The following CSMD1 variants were observed in gnomAD, a reference collection of about 807,000 sequenced individuals.
CSMD1 encodes CUB and sushi domain-containing protein 1.
In CSMD1, 213 loss-of-function variants were observed where a neutral mutation model predicts 417.5. The observed-to-expected ratio is 0.51, with a 90% CI of 0.46 to 0.57. The LOEUF (loss-of-function observed/expected upper bound fraction) is 0.57. Among genes scored for constraint, CSMD1 ranks in the 20% least tolerant of loss-of-function variants. CSMD1 has a pLI of 0.00. For missense variants in CSMD1, 6,923 were observed against 4,529.7 expected (o/e 1.53, Z -15.17); for synonymous variants, 2,862 against 1,736.8 (o/e 1.65, Z -16.11).
chr8:3,537,637 G>A (rs1158380376), intron 10 of CSMD1, among the ~76,000 whole-genome samples: 2 of 152,112 alleles, frequency 1.3e-5, no homozygotes, highest in African/African-American at 2.4e-5. Flanking sequence ...TGAAATTTAT[G>A]TAGCATCATT....
intron 5 of CSMD1, among the ~76,000 whole-genome samples, chr8:3,973,123 A>C (rs931569131): frequency 5.3e-5 from 8 of 152,226 alleles, no homozygotes; most frequent in Non-Finnish European, 1.0e-4. Context: ...GACAGTTGGA[A>C]AGTTATGAAA....
chr8:4,828,922 T>C (rs977023624), intron 1 of CSMD1, among the ~76,000 whole-genome samples: 5 of 152,168 alleles, frequency 3.3e-5, no homozygotes, highest in African/African-American at 4.8e-5. Context: ...TTCATAAAGG[T>C]TAATTAACCA....
intron 9 of CSMD1, among the ~76,000 whole-genome samples, chr8:3,581,602 C>A (rs1471644070): frequency 6.6e-6 from 1 of 152,128 alleles, no homozygotes; most frequent in South Asian, 2.1e-4. Context: ...AAAATAGGAA[C>A]CTTGAGAATC....
intron 2 of CSMD1, among the ~76,000 whole-genome samples, chr8:4,604,696 G>C (rs900873037): frequency 6.6e-6 from 1 of 151,942 alleles, no homozygotes; most frequent in Non-Finnish European, 1.5e-5. Context: ...TCTCCTACTT[G>C]GGAATGATGA....
chr8:4,898,112 GTAAA>G (rs1388812261), intron 1 of CSMD1, among the ~76,000 whole-genome samples: 2 of 152,120 alleles, frequency 1.3e-5, no homozygotes, highest in South Asian at 2.1e-4. Flanking sequence ...AAACGAATAA[GTAAA>G]TAAATATTGC....
At chr8:3,536,878 G>C (rs1056771886) in intron 10 of CSMD1, among the ~76,000 whole-genome samples, 3 of 152,226 alleles carry the variant, frequency 2.0e-5, no homozygotes, top group Non-Finnish European at 4.4e-5. Context: ...ATCCCAGGTA[G>C]AGAAAATTAA....
intron 2 of CSMD1, among the ~76,000 whole-genome samples, chr8:4,631,111 C>G (rs375730197): frequency 3.3e-5 from 5 of 152,086 alleles, no homozygotes; most frequent in Non-Finnish European, 7.4e-5. Flanking sequence ...ACCTGTAATC[C>G]CAGCACTTTG....
chr8:4,847,544 C>G (rs574866840), intron 1 of CSMD1, among the ~76,000 whole-genome samples: 3 of 152,094 alleles, frequency 2.0e-5, no homozygotes, highest in Admixed American at 2.0e-4. Flanking sequence ...TGGGCCGATA[C>G]TGGAATATTT....
intron 7 of CSMD1, among the ~76,000 whole-genome samples, chr8:3,637,909 C>T (rs149139878): frequency 1.1e-3 from 165 of 152,336 alleles, no homozygotes; most frequent in African/African-American, 3.7e-3. Flanking sequence ...CCTGCCCACA[C>T]TCTCTTGATT....
chr8:4,803,768 G>T (rs1257807889), intron 1 of CSMD1, among the ~76,000 whole-genome samples: 1 of 152,036 alleles, frequency 6.6e-6, no homozygotes, highest in Admixed American at 6.6e-5. Context: ...GAACGTTATT[G>T]GTATTTATTT....
intron 3 of CSMD1, among the ~76,000 whole-genome samples, chr8:4,215,485 G>T (rs1800611165): frequency 8.0e-6 from 1 of 124,322 alleles, no homozygotes. Context: ...TTGGGGGCCG[G>T]GGTTTTATGA....
At chr8:4,446,781 G>C (rs1047893032) in intron 2 of CSMD1, among the ~76,000 whole-genome samples, 22 of 146,972 alleles carry the variant, frequency 1.5e-4, no homozygotes, top group Non-Finnish European at 2.6e-4. Flanking sequence ...GTGTGTGTGT[G>C]TGTGTGTGTG....
chr8:4,366,262 T>TC (rs1048171913), intron 3 of CSMD1, among the ~76,000 whole-genome samples: 7 of 151,770 alleles, frequency 4.6e-5, no homozygotes, highest in African/African-American at 1.7e-4. Context: ...TTCTTTTTTT[T>TC]TTCTGTTTTA....
At chr8:3,499,360 G>C (rs28645755) in intron 10 of CSMD1, among the ~76,000 whole-genome samples, 21,310 of 152,042 alleles carry the variant, frequency 0.14, 1,623 homozygotes, top group Middle Eastern at 0.18. Context: ...GGGTGGCCTT[G>C]TTTTGGGGAT....
chr8:4,325,233 C>T (rs1799494498), intron 3 of CSMD1, among the ~76,000 whole-genome samples: 1 of 152,122 alleles, frequency 6.6e-6, no homozygotes, highest in African/African-American at 2.4e-5. Context: ...TCCCCTGAAC[C>T]AGGAATGTGC....
chr8:3,563,371 G>C (rs1304796403), intron 10 of CSMD1, among the ~76,000 whole-genome samples: 6 of 100,858 alleles, frequency 5.9e-5, no homozygotes, highest in African/African-American at 2.4e-4. Flanking sequence ...ATTTAAGTAC[G>C]ACAAATACTA....
chr8:4,218,140 C>A (rs775305579), intron 3 of CSMD1, among the ~76,000 whole-genome samples: 4 of 152,172 alleles, frequency 2.6e-5, no homozygotes, highest in African/African-American at 7.2e-5. Flanking sequence ...GTATAAGTAA[C>A]TCCTACATGC....
intron 5 of CSMD1, among the ~76,000 whole-genome samples, 156 bp downstream of exon 5, chr8:3,997,747 A>C (rs1815326040): frequency 6.6e-6 from 1 of 152,322 alleles, no homozygotes; most frequent in Admixed American, 6.5e-5. Context: ...ACTCACAGTA[A>C]AGGTAACTTT....
intron 3 of CSMD1, among the ~76,000 whole-genome samples, chr8:4,182,132 G>A (rs1390839844): frequency 1.3e-5 from 2 of 151,698 alleles, no homozygotes; most frequent in Non-Finnish European, 2.9e-5. Context: ...ACCAAAAGAA[G>A]ACAGAACTAA....
Sources: allele counts gnomAD v4.1 joint callset (sites outside exome capture counted in the v4.1 genomes callset), GRCh38; gene constraint gnomAD v4.1.1; transcripts MANE v1.5; gene names NCBI Gene and HGNC (gene_info 2026-07-23, HGNC 2026-07-21).